CASZ1: variants seen among roughly 807,000 people sequenced by gnomAD.
CASZ1 encodes zinc finger protein castor homolog 1.
Under a neutral mutation model 135.2 loss-of-function variants are expected in CASZ1, and 28 were observed. The observed-to-expected ratio is 0.21, with a 90% confidence interval of 0.15 to 0.28. The LOEUF is 0.28. Among genes scored for constraint, CASZ1 ranks in the 10% least tolerant of loss-of-function variants. CASZ1 has a pLI of 1.00. For synonymous variants in CASZ1, 1,068 were observed against 1,073.4 expected (o/e 0.99, Z 0.10); for missense variants, 2,161 against 2,453.3 (o/e 0.88, Z 2.52).
At chr1:10,763,420 C>A (rs1640415384) in intron 1 of CASZ1, among the ~76,000 whole-genome samples, 1 of 152,316 alleles carries the variant, frequency 6.6e-6, no homozygotes. Context: ...GAGACGATGC[C>A]TAAGACTTCC....
chr1:10,729,880 A>G (rs1379197652), intron 2 of CASZ1, among the ~76,000 whole-genome samples: 1 of 151,934 alleles, frequency 6.6e-6, no homozygotes, highest in Non-Finnish European at 1.5e-5. Flanking sequence ...CAGCGGTGCT[A>G]TCTCAGCTCA....
chr1:10,658,348 G>A, intron 7 of CASZ1, 160 bp downstream of exon 7: 1 of 635,784 alleles, frequency 1.6e-6, no homozygotes. Context: ...GGGCGTGCAG[G>A]GCAGCCCTCG....
rs1045589640 is a variant in CASZ1 at position 10,776,150 on chromosome 1, C to T, written c.-233-15293G>A. 2.0e-5 allele frequency among the ~76,000 whole-genome samples: 3 copies of T among 152,232 alleles called. No homozygotes were observed. In the South Asian group the frequency reaches 6.2e-4, roughly 32 times the overall value. On this transcript the variant is annotated intron_variant, in intron 1 of 20. Coordinates refer to ENST00000377022, the MANE Select transcript of CASZ1 (RefSeq NM_001079843.3). The surrounding 1 kb of genome is among the most constrained non-coding windows in gnomAD (Gnocchi z 4.1). ...TTCAACTTCCTTGAAATAAATTTTA[C>T]TATTTTATTAGTGCAAACAAAATGG... is the stretch of plus-strand genomic sequence containing the variant.
At position 10,757,687 on chromosome 1, in the gene CASZ1, C is replaced by T. The variant is rs1488555555; in HGVS notation, c.-77+3014G>A. On this transcript the variant is annotated intron_variant, in intron 2 of 20. Transcript: ENST00000377022. The surrounding 1 kb of genome is among the most constrained non-coding windows in gnomAD (Gnocchi z 4.6). ...CCTATAATCCCAGCCACTCGAGAGGCTGAGGCAGGAGAATCACCTGAACCC... is the reference window on the plus strand; with the variant it reads ...CCTATAATCCCAGCCACTCGAGAGGTTGAGGCAGGAGAATCACCTGAACCC... Among the ~76,000 whole-genome samples, 1 of 152,186 alleles carries T rather than the reference C, an allele frequency of 6.6e-6. No individual in the cohort carries two copies. The highest frequency in any genetic ancestry group is 2.4e-5 in the African/African-American group (1 of 41,456).
In CASZ1 at chr1:10,790,261, C is replaced by G. The variant is rs566382004; in HGVS notation, c.-234+6303G>C. 2.6e-3 allele frequency among the ~76,000 whole-genome samples: 392 copies of G among 152,376 alleles called. 3 individuals are homozygous for G. Among genetic ancestry groups the G allele is most frequent in the African/African-American group, 9.2e-3 (383 of 41,592 alleles). On this transcript the variant is annotated intron_variant, in intron 1 of 20. Transcript: ENST00000377022. The stretch of plus-strand genomic sequence containing the variant: ...GGCAATGATGCTTCCAGCCTGCACC[C>G]TCCCAACCACGCCACGTATCCCGGG...
In CASZ1 at chr1:10,723,957, A is replaced by G. The variant is rs183194794; in HGVS notation, c.-76-18413T>C. On this transcript the variant is annotated intron_variant, in intron 2 of 20. Transcript: ENST00000377022. ...TGGGGGTTCTTCCCGAGTCCAAACC[A>G]TGCCAGCAGGGGTTCAACCCTAAAC... is the stretch of plus-strand genomic sequence containing the variant. Among the ~76,000 whole-genome samples, 408 of 152,162 alleles carry G rather than the reference A, an allele frequency of 2.7e-3. 3 individuals are homozygous for G. The highest frequency in any genetic ancestry group is 9.4e-3 in the African/African-American group (389 of 41,514).
intron 2 of CASZ1, among the ~76,000 whole-genome samples, chr1:10,754,480 C>T (rs564355705): frequency 3.3e-5 from 5 of 152,216 alleles, no homozygotes; most frequent in Admixed American, 1.3e-4. Context: ...TGAGGCTGAG[C>T]CCTGGCCCAA....
rs749934013 is a variant in CASZ1, at chr1:10,648,091, A to G, written c.3207T>C (p.Ala1069=). The change falls in exon 16 of 21, where the codon GCT becomes GCC. Residue 1069 remains alanine, a synonymous_variant. Coordinates refer to ENST00000377022, the MANE Select transcript of CASZ1 (RefSeq NM_001079843.3). ...TCTCGGCGGCCGAGGCCGGAAAGGC[A>G]GCCTCTGTGTTTCCTTTTGCTGCTC... ...EGGAAKGNTE[A]AFPASAAETK... The G allele has an allele frequency of 7.0e-6, 11 of 1,569,848 alleles. No individual in the cohort carries two copies. The Admixed American group carries it at 1.7e-4, about 24-fold the overall frequency.
chr1:10,661,417 C>A (rs200053071), intron 5 of CASZ1: 559 of 111,946 alleles, frequency 5.0e-3, no homozygotes, highest in Non-Finnish European at 9.5e-3. Flanking sequence ...ACACACAAAC[C>A]CACACACAGT....
intron 9 of CASZ1, 74 bp downstream of exon 9, chr1:10,655,575 G>C: frequency 7.1e-7 from 1 of 1,415,208 alleles, no homozygotes; most frequent in South Asian, 1.2e-5. Context: ...CTGCCTCTGG[G>C]AGTGGGGGGC....
At chr1:10,688,296 G>A (rs1037274115) in intron 4 of CASZ1, among the ~76,000 whole-genome samples, 1 of 152,224 alleles carries the variant, frequency 6.6e-6, no homozygotes, top group African/African-American at 2.4e-5. Flanking sequence ...CAGGGCCAAC[G>A]GGGTGTGAGG....
intron 1 of CASZ1, among the ~76,000 whole-genome samples, chr1:10,764,626 G>A (rs1640439533): frequency 6.6e-6 from 1 of 152,220 alleles, no homozygotes; most frequent in African/African-American, 2.4e-5. Context: ...TGGGCTGACA[G>A]GCTCCAAGGC....
At position 10,725,791 on chromosome 1, in the gene CASZ1, C is replaced by T. The variant is rs923042971; in HGVS notation, c.-76-20247G>A. 6.7e-6 allele frequency among the ~76,000 whole-genome samples: 1 copy of T among 150,370 alleles called. No homozygotes were observed. The highest frequency in any genetic ancestry group is 2.0e-4 in the East Asian group (1 of 5,108). ...CCTGGACAGGTGAGTGACAAGACAG[C>T]GGCAGTGGGGTGGGGAGGGAATGGC... On this transcript the variant is annotated intron_variant, in intron 2 of 20. Transcript: ENST00000377022. This position sits in a 1 kb window ranked among gnomAD's most constrained non-coding sequence, Gnocchi z 4.4.
intron 1 of CASZ1, among the ~76,000 whole-genome samples, chr1:10,780,263 A>G (rs1332072874): frequency 6.6e-6 from 1 of 152,212 alleles, no homozygotes; most frequent in Non-Finnish European, 1.5e-5. Context: ...AAATATTCCC[A>G]TTTGTCAAAA....
At chr1:10,796,279 C>T (rs1323137252) in intron 1 of CASZ1, among the ~76,000 whole-genome samples, 1 of 152,110 alleles carries the variant, frequency 6.6e-6, no homozygotes, top group Non-Finnish European at 1.5e-5. Context: ...AGCCGCGCGC[C>T]GGGCATTCCC....
rs754348213 is a variant in CASZ1 at position 10,654,544 on chromosome 1, G to A, written c.1713C>T (p.His571=). ...GGGTATTCTTCTTGTGGAAGTTCTC[G>A]TGGGTCATCACGTCAGACGTGCTCG... ...VYTSTSDVMT[H]ENFHKKNTQL... The change falls in exon 10 of 21, where the codon CAC becomes CAT. Residue 571 remains histidine (H), a synonymous_variant. Coordinates refer to ENST00000377022, the MANE Select transcript of CASZ1 (RefSeq NM_001079843.3). The A allele has an allele frequency of 2.5e-6, 4 of 1,614,140 alleles. No individual in the cohort carries two copies. Among genetic ancestry groups the A allele is most frequent in the South Asian group, 2.2e-5 (2 of 91,092 alleles).
intron 2 of CASZ1, among the ~76,000 whole-genome samples, chr1:10,752,687 G>C (rs1391607713): frequency 1.3e-5 from 2 of 152,214 alleles, no homozygotes; most frequent in Non-Finnish European, 2.9e-5. Context: ...AGCCCTCCCT[G>C]CTTAGGGCTG....
At chr1:10,686,649 A>G (rs1368240429) in intron 4 of CASZ1, among the ~76,000 whole-genome samples, 1 of 152,110 alleles carries the variant, frequency 6.6e-6, no homozygotes, top group Non-Finnish European at 1.5e-5. Flanking sequence ...GCATGTTTTT[A>G]TTACCTGTTT....
chr1:10,708,109 C>T, intron 2 of CASZ1, among the ~76,000 whole-genome samples: 1 of 152,182 alleles, frequency 6.6e-6, no homozygotes, highest in East Asian at 1.9e-4. Context: ...AACTGAGGAC[C>T]CAAAGGTTCA....
Sources: allele counts gnomAD v4.1 joint callset (sites outside exome capture counted in the v4.1 genomes callset), GRCh38; gene constraint gnomAD v4.1.1; non-coding constraint Gnocchi (gnomAD v3.1); transcripts MANE v1.5; gene names NCBI Gene and HGNC (gene_info 2026-07-23, HGNC 2026-07-21).